Variants in ZNF726 observed in about 807,000 individuals in gnomAD.
ZNF726 encodes the protein zinc finger protein 726, also known as zinc finger protein 92 pseudogene 3.
A neutral mutation model predicts 11.6 loss-of-function variants in ZNF726; 15 were observed. The ratio of observed to expected loss-of-function variants is 1.29; its 90% CI spans 0.86 to 1.99. The LOEUF (loss-of-function observed/expected upper bound fraction) is 1.99, where lower values mean the gene tolerates loss of function less well. Among genes scored for constraint, ZNF726 ranks in the 30% most tolerant of loss-of-function variants. ZNF726 has a pLI of 0.00. For missense variants in ZNF726, 890 were observed against 725.6 expected (o/e 1.23, Z -2.60); for synonymous variants, 295 against 243.6 (o/e 1.21, Z -1.96).
At chr19:23,926,161 T>C (rs555236471) in intron 3 of ZNF726, among the ~76,000 whole-genome samples, 167 of 152,308 alleles carry the variant, frequency 1.1e-3, no homozygotes, top group Non-Finnish European at 2.1e-3. Flanking sequence ...TGTAGTTAAA[T>C]TTTTTGTTTT....
Position 23,933,169 on chromosome 19 carries a change from C to T in ZNF726, c.1053C>T (p.Ser351=). The T allele has an allele frequency of 6.3e-7, 1 of 1,599,922 alleles. No individual in the cohort carries two copies. The highest frequency in any genetic ancestry group is 1.7e-5 in the Admixed American group (1 of 59,408). The stretch of plus-strand genomic sequence containing the variant: ...GTGAAGAATGTGCCAAAGCTTTTAG[C>T]CAATTCGGACACCTTACTACACATA... ...YKCEECAKAF[S]QFGHLTTHRI... Residue 351 remains serine, a synonymous_variant, in exon 4 of 4, where the codon AGC becomes AGT. Coordinates refer to ENST00000594466, the MANE Select transcript of ZNF726 (RefSeq NM_001244038.2).
Position 23,914,970 on chromosome 19 carries a change from T to C in ZNF726, c.-25T>C, listed in dbSNP as rs765818726. 6.2e-6 allele frequency: 10 copies of C among 1,613,634 alleles called. No homozygotes were observed. The highest frequency in any genetic ancestry group is 4.4e-5 in the South Asian group (4 of 91,080). On this transcript the variant is annotated 5_prime_UTR_variant, in exon 1 of 4. Coordinates refer to ENST00000594466, the MANE Select transcript of ZNF726 (RefSeq NM_001244038.2). Reference sequence around the variant, plus strand: ...TAGGGGCGCAGCCTCTGTGGCCCTGTGACCTGCCCCCTGGAAGCCTAGAAA... The same window carrying C: ...TAGGGGCGCAGCCTCTGTGGCCCTGCGACCTGCCCCCTGGAAGCCTAGAAA...
rs139659011 is a variant in ZNF726, at chr19:23,943,445, C to T, written c.227-49C>T. 3.1e-4 allele frequency: 169 copies of T among 541,686 alleles called. 1 individual carries two copies. Among genetic ancestry groups the T allele is most frequent in the African/African-American group, 2.7e-3 (147 of 54,154 alleles). The allele number at this position is 541,686 out of a possible 1,614,324, so 33.6% of individuals were successfully genotyped here. On this transcript the variant is annotated intron_variant, in intron 3 of 4. Coordinates refer to the ZNF726 transcript ENST00000334589. ...CTCTACTGAACATGGTACTAGGTTGCTAACTGGAGAATCCCAGCAAGTCAT... is the reference window on the plus strand; with the variant it reads ...CTCTACTGAACATGGTACTAGGTTGTTAACTGGAGAATCCCAGCAAGTCAT...
chr19:23,934,510 T>A, downstream of ZNF726: 2 of 374,302 alleles, frequency 5.3e-6, no homozygotes, highest in South Asian at 4.2e-5. Context: ...TTTTTTTCCA[T>A]TGCACCTTTA....
At chr19:23,943,050 C>T (rs1029754888) in intron 3 of ZNF726, among the ~76,000 whole-genome samples, 1 of 152,022 alleles carries the variant, frequency 6.6e-6, no homozygotes, top group Non-Finnish European at 1.5e-5. Context: ...GGAATGGAGT[C>T]GTGCTCTGTC....
downstream of ZNF726, chr19:23,936,141 C>G (rs1050211949): frequency 6.6e-6 from 1 of 152,022 alleles, no homozygotes; most frequent in African/African-American, 2.4e-5. Flanking sequence ...AACACCAAAG[C>G]GTTCATACTA....
At chr19:23,938,663 A>G (rs1968288112), downstream of ZNF726, among the ~76,000 whole-genome samples, 1 of 142,390 alleles carries the variant, frequency 7.0e-6, no homozygotes, top group African/African-American at 2.6e-5. Context: ...ACTGGAGTGC[A>G]ATGGTGTGAT....
intron 3 of ZNF726, among the ~76,000 whole-genome samples, chr19:23,931,571 T>C (rs1968106792): frequency 6.6e-6 from 1 of 152,190 alleles, no homozygotes; most frequent in East Asian, 1.9e-4. Context: ...GTATATATTA[T>C]AAGCTTTCAG....
chr19:23,942,384 G>A (rs940190228), intron 3 of ZNF726, among the ~76,000 whole-genome samples: 1 of 152,122 alleles, frequency 6.6e-6, no homozygotes, highest in African/African-American at 2.4e-5. Context: ...CCTATCATAT[G>A]ATCTATCTTG....
Position 23,914,967 on chromosome 19 carries a change from C to T in ZNF726, c.-28C>T. 6 of 1,613,590 alleles carry T rather than the reference C, an allele frequency of 3.7e-6. No individual in the cohort carries two copies. Among genetic ancestry groups the T allele is most frequent in the Non-Finnish European group, 5.1e-6 (6 of 1,179,978 alleles). ...TTTTAGGGGCGCAGCCTCTGTGGCC[C>T]TGTGACCTGCCCCCTGGAAGCCTAG... On this transcript the variant is annotated 5_prime_UTR_variant, in exon 1 of 4. Coordinates refer to ENST00000594466, the MANE Select transcript of ZNF726 (RefSeq NM_001244038.2).
intron 3 of ZNF726, among the ~76,000 whole-genome samples, chr19:23,942,379 C>G (rs1359529789): frequency 6.6e-6 from 1 of 152,100 alleles, no homozygotes; most frequent in Non-Finnish European, 1.5e-5. Context: ...TATGGCCTAT[C>G]ATATGATCTA....
intron 3 of ZNF726, among the ~76,000 whole-genome samples, chr19:23,922,842 C>G (rs1225552018): frequency 6.6e-6 from 1 of 152,068 alleles, no homozygotes; most frequent in Non-Finnish European, 1.5e-5. Context: ...AACCATGATG[C>G]CTGGTTCTCT....
chr19:23,922,360 C>T lies in ZNF726; in HGVS notation c.226+2278C>T, dbSNP rs114764718. ...AGGCAGAACTGGCCATGAACTGTGG[C>T]TCAGGGAGCTGGAACTGAGTCATGG... On this transcript the variant is annotated intron_variant, in intron 3 of 3. Coordinates refer to ENST00000594466, the MANE Select transcript of ZNF726 (RefSeq NM_001244038.2). Among the ~76,000 whole-genome samples the T allele has an allele frequency of 7.0e-3, 1,072 of 152,300 alleles. 14 individuals carry two copies. Among genetic ancestry groups the T allele is most frequent in the African/African-American group, 0.024 (1,009 of 41,562 alleles).
intron 4 of ZNF726, chr19:23,944,436 T>C (rs1316711044): frequency 6.6e-6 from 1 of 152,572 alleles, no homozygotes; most frequent in Non-Finnish European, 1.5e-5. Flanking sequence ...TTTTGTCATA[T>C]GTGTGTTGGC....
intron 3 of ZNF726, among the ~76,000 whole-genome samples, chr19:23,925,343 G>A (rs952666702): frequency 2.0e-5 from 3 of 151,490 alleles, no homozygotes; most frequent in East Asian, 1.9e-4. Context: ...ATTTTCCACC[G>A]ACAATCAACC....
chr19:23,932,882 C>T lies in ZNF726; in HGVS notation c.766C>T (p.Pro256Ser), dbSNP rs751964520. ...TAAGGTAACTCATACTGGAGAGAAG[C>T]CTTACAAGTGTGAAGAATGTGGCAA... Reference protein sequence around the residue: ...THKVTHTGEKPYKCEECGKAF... With the variant: ...THKVTHTGEKSYKCEECGKAF... The change falls in exon 4 of 4, where the codon CCT (proline) becomes TCT (serine). Residue 256 changes from proline (P) to serine (S), a missense_variant. By Grantham distance (74) the Pro-to-Ser change is moderately conservative. Transcript: ENST00000594466. 1.9e-6 allele frequency: 3 copies of T among 1,609,118 alleles called. No individual in the cohort carries two copies. The highest frequency in any genetic ancestry group is 1.1e-5 in the South Asian group (1 of 90,778).
chr19:23,933,068 T>C lies in ZNF726; in HGVS notation c.952T>C (p.Cys318Arg). The C allele has an allele frequency of 6.2e-7, 1 of 1,613,764 alleles. No homozygotes were observed. Among genetic ancestry groups the C allele is most frequent in the East Asian group, 2.2e-5 (1 of 44,854 alleles). ...IGEKPYKCEE[C>R]GKAFVWSSTL... The stretch of plus-strand genomic sequence containing the variant: ...AGAGAAACCCTACAAATGTGAAGAA[T>C]GTGGCAAAGCATTTGTTTGGTCCTC... Residue 318 changes from cysteine to arginine, a missense_variant, in exon 4 of 4, where the codon TGT (cysteine) becomes CGT (arginine). Cys to Arg is a radical substitution (Grantham distance 180, BLOSUM62 -3). Transcript: ENST00000594466.
At position 23,932,883 on chromosome 19, in the gene ZNF726, C is replaced by T; in HGVS notation, c.767C>T (p.Pro256Leu). The T allele has an allele frequency of 6.2e-7, 1 of 1,609,476 alleles. No homozygotes were observed. ...THKVTHTGEK[P>L]YKCEECGKAF... ...AAGGTAACTCATACTGGAGAGAAGC[C>T]TTACAAGTGTGAAGAATGTGGCAAA... Residue 256 changes from proline (P) to leucine (L), a missense_variant, in exon 4 of 4, where the codon CCT (proline) becomes CTT (leucine). By Grantham distance (98) the Pro-to-Leu change is moderately conservative. Transcript: ENST00000594466.
At chr19:23,922,493 T>C (rs60384485) in intron 3 of ZNF726, among the ~76,000 whole-genome samples, 9,244 of 152,034 alleles carry the variant, frequency 0.061, 369 homozygotes, top group South Asian at 0.08. Flanking sequence ...ACGCTGCCCA[T>C]TGGCTCCCAA....
Sources: allele counts gnomAD v4.1 joint callset (sites outside exome capture counted in the v4.1 genomes callset), GRCh38; gene constraint gnomAD v4.1.1; transcripts MANE v1.5; gene names NCBI Gene and HGNC (gene_info 2026-07-23, HGNC 2026-07-21).